ELN: variants seen among roughly 807,000 people sequenced by gnomAD.
ELN encodes elastin.
Under a neutral mutation model 105.8 loss-of-function variants are expected in ELN, and 65 were observed. The ratio of observed to expected loss-of-function variants is 0.61; its 90% CI spans 0.50 to 0.75. ELN has a LOEUF of 0.75. ELN is among the 30% of genes least tolerant of loss of function. ELN has a pLI of 0.00. For synonymous variants in ELN, 368 were observed against 389.2 expected (o/e 0.95, Z 0.64); for missense variants, 882 against 969.4 (o/e 0.91, Z 1.20).
In ELN at chr7:74,063,593, G is replaced by C. The variant is rs191734690; in HGVS notation, c.1919-28G>C. The C allele has an allele frequency of 1.2e-6, 2 of 1,614,082 alleles. No homozygotes were observed. The highest frequency in any genetic ancestry group is 1.7e-6 in the Non-Finnish European group (2 of 1,179,962). ...CTTCAGTCCCACCTTTCTGACCAGC[G>C]GAGTCTAATGCTCAGCTGTCTCCAC... On this transcript the variant is annotated intron_variant, in intron 28 of 32. Coordinates refer to ENST00000252034, the MANE Select transcript of ELN (RefSeq NM_000501.4). The surrounding 1 kb of genome is among the most constrained non-coding windows in gnomAD (Gnocchi z 4.1).
rs1282925102 is a variant in ELN, at chr7:74,063,547, T to C, written c.1919-74T>C. 6.2e-7 allele frequency: 1 copy of C among 1,611,626 alleles called. No homozygotes were observed. Among genetic ancestry groups the C allele is most frequent in the African/African-American group, 1.3e-5 (1 of 74,842 alleles). ...TCCACCTGTGTCCCCAGAGGACACC[T>C]CCGCCCTCCACAGGCCGAGGCTTCA... On this transcript the variant is annotated intron_variant, in intron 28 of 32. Transcript: ENST00000252034. The surrounding 1 kb of genome is among the most constrained non-coding windows in gnomAD (Gnocchi z 4.1).
intron 1 of ELN, among the ~76,000 whole-genome samples, chr7:74,031,860 AGAAGGAAGGAAGGAAGGAAGGAAG>A (rs60029188): frequency 3.7e-5 from 4 of 107,124 alleles, no homozygotes; most frequent in African/African-American, 7.5e-5. Context: ...AAGGAAGGAA[AGAAGGAAGGAAGGAAGGAAGGAAG>A]GAAGGAAGGA....
chr7:74,049,706 A>G (rs1247736034), intron 15 of ELN, among the ~76,000 whole-genome samples: 1 of 146,708 alleles, frequency 6.8e-6, no homozygotes, highest in Non-Finnish European at 1.5e-5. Flanking sequence ...CCATCCATCC[A>G]CCCATCAATT....
At chr7:74,068,531 TG>T in intron 32 of ELN, 125 bp from the exon 33 acceptor site, 1 of 1,172,022 alleles carries the variant, frequency 8.5e-7, no homozygotes, top group Non-Finnish European at 1.3e-6. Context: ...GAGTTTGGCC[TG>T]GGGCCATGAC....
chr7:74,067,805 G>C lies in ELN; in HGVS notation c.2132-852G>C, dbSNP rs530107759. On this transcript the variant is annotated intron_variant, in intron 32 of 32. Transcript: ENST00000252034. ...TAGCCAGGTGTGGTGGTGCACGCCT[G>C]TAATCCCAGCTACTCTGGAGGCTGA... 1.5e-3 allele frequency among the ~76,000 whole-genome samples: 221 copies of C among 151,406 alleles called. 1 individual carries two copies. Among genetic ancestry groups the C allele is most frequent in the Non-Finnish European group, 9.7e-4 (66 of 67,864 alleles).
intron 4 of ELN, among the ~76,000 whole-genome samples, chr7:74,040,657 G>A (rs782111551): frequency 6.6e-6 from 1 of 152,148 alleles, no homozygotes; most frequent in Non-Finnish European, 1.5e-5. Context: ...AATGTCTCCC[G>A]CAGTGGGAGA....
intron 2 of ELN, 100 bp from the exon 3 acceptor site, chr7:74,036,455 G>A (rs1216411031): frequency 2.7e-5 from 42 of 1,533,452 alleles, no homozygotes; most frequent in East Asian, 1.3e-4. Flanking sequence ...CCAAGGTCAC[G>A]TAGTTAGGCA....
At chr7:74,036,723 G>T in intron 3 of ELN, 139 bp downstream of exon 3, 1 of 1,247,222 alleles carries the variant, frequency 8.0e-7, no homozygotes, top group Non-Finnish European at 1.2e-6. Context: ...CCAGGCGGTG[G>T]GAGGAGGCTT....
Position 74,063,210 on chromosome 7 carries a change from C to T in ELN, c.1844C>T (p.Pro615Leu). The T allele has an allele frequency of 1.2e-6, 2 of 1,606,440 alleles. No homozygotes were observed. The highest frequency in any genetic ancestry group is 1.7e-6 in the Non-Finnish European group (2 of 1,177,606). ...GGGGCTCTCGGTGGAGTAGGCATCC[C>T]AGGCGGTGTGGTGGGTGAGTTGAAA... ...GLGALGGVGI[P>L]GGVVGAGPAA... Residue 615 changes from proline to leucine, a missense_variant, in exon 27 of 33, where the codon CCA (proline) becomes CTA (leucine). Transcript: ENST00000252034. The surrounding 1 kb of genome is among the most constrained non-coding windows in gnomAD (Gnocchi z 4.1).
intron 32 of ELN, among the ~76,000 whole-genome samples, chr7:74,067,792 G>A (rs1798278864): frequency 6.6e-6 from 1 of 151,472 alleles, no homozygotes. Context: ...GCCAGGTGTG[G>A]TGGTGCACGC....
In ELN at chr7:74,032,205, C is replaced by T. The variant is rs73705336; in HGVS notation, c.83-3159C>T. 1.6e-3 allele frequency among the ~76,000 whole-genome samples: 242 copies of T among 152,296 alleles called. 2 individuals carry two copies. The highest frequency in any genetic ancestry group is 5.0e-3 in the African/African-American group (209 of 41,560). Reference sequence around the variant, plus strand: ...GAGACAAGTTCCACCCTGGGCTAGTCGGTGAAACATGCCAAAACCACATAA... The same window carrying T: ...GAGACAAGTTCCACCCTGGGCTAGTTGGTGAAACATGCCAAAACCACATAA... On this transcript the variant is annotated intron_variant, in intron 1 of 32. Transcript: ENST00000252034.
In ELN at chr7:74,066,789, C is replaced by A; in HGVS notation, c.2131+13C>A. The A allele has an allele frequency of 1.2e-6, 2 of 1,613,058 alleles. No homozygotes were observed. The highest frequency in any genetic ancestry group is 1.7e-6 in the Non-Finnish European group (2 of 1,179,314). Reference sequence around the variant, plus strand: ...CCCATTTTCCCAGGTATGCCAGGCTCCCTGCCCCTGGGCCCTGCCCTGGAG... The same window carrying A: ...CCCATTTTCCCAGGTATGCCAGGCTACCTGCCCCTGGGCCCTGCCCTGGAG... On this transcript the variant is annotated intron_variant, in intron 32 of 32. Transcript: ENST00000252034.
chr7:74,030,223 T>C (rs1409034435), intron 1 of ELN, among the ~76,000 whole-genome samples: 1 of 151,932 alleles, frequency 6.6e-6, no homozygotes, highest in Non-Finnish European at 1.5e-5. Context: ...ACACAGGGAG[T>C]GGAGCGCTCA....
chr7:74,061,694 A>T (rs560015918), intron 26 of ELN, among the ~76,000 whole-genome samples: 1 of 152,254 alleles, frequency 6.6e-6, no homozygotes, highest in African/African-American at 2.4e-5. Context: ...AGTTTCTAGG[A>T]CACGTTTATG....
chr7:74,057,858 C>G (rs528919761), intron 22 of ELN, among the ~76,000 whole-genome samples, 162 bp downstream of exon 22: 6 of 152,100 alleles, frequency 3.9e-5, no homozygotes, highest in Admixed American at 1.3e-4. Context: ...TGATGAATGA[C>G]CTCTAGGAGT....
At chr7:74,055,339 G>A (rs1279296633) in intron 19 of ELN, among the ~76,000 whole-genome samples, 4 of 151,248 alleles carry the variant, frequency 2.6e-5, no homozygotes, top group Admixed American at 2.6e-4. Context: ...TACTTGGGAG[G>A]TCAAGGCAGG....
At chr7:74,029,595 A>C (rs1788211050) in intron 1 of ELN, among the ~76,000 whole-genome samples, 1 of 152,070 alleles carries the variant, frequency 6.6e-6, no homozygotes, top group South Asian at 2.1e-4. Flanking sequence ...TGTTTCCGTG[A>C]GATTGAACAG....
At chr7:74,065,840 T>A (rs1797818161) in intron 30 of ELN, 104 bp from the exon 31 acceptor site, 2 of 1,609,788 alleles carry the variant, frequency 1.2e-6, no homozygotes, top group South Asian at 2.2e-5. Flanking sequence ...CCCCTACCCC[T>A]GAAGATCTTG....
intron 3 of ELN, among the ~76,000 whole-genome samples, chr7:74,036,953 G>A (rs1481966779): frequency 2.7e-5 from 4 of 150,810 alleles, no homozygotes; most frequent in Non-Finnish European, 5.9e-5. Flanking sequence ...CCCAATTAGC[G>A]AGGACTACAG....
Sources: allele counts gnomAD v4.1 joint callset (sites outside exome capture counted in the v4.1 genomes callset), GRCh38; gene constraint gnomAD v4.1.1; non-coding constraint Gnocchi (gnomAD v3.1); transcripts MANE v1.5; gene names NCBI Gene and HGNC (gene_info 2026-07-23, HGNC 2026-07-21).